Variants in BMPR1B observed in about 807,000 individuals in gnomAD.
BMPR1B encodes the protein bone morphogenetic protein receptor type 1B.
In BMPR1B, 12 loss-of-function variants were observed where a neutral mutation model predicts 59.1. The observed-to-expected ratio is 0.20, with a 90% CI of 0.13 to 0.33. BMPR1B has a LOEUF of 0.33. Ranked by LOEUF, BMPR1B falls within the 10% of genes least tolerant of loss-of-function variation. BMPR1B has a pLI of 1.00. For synonymous variants in BMPR1B, 237 were observed against 207.3 expected (o/e 1.14, Z -1.23); for missense variants, 550 against 610.9 (o/e 0.90, Z 1.05).
chr4:94,896,478 A>C (rs1463694721), intron 2 of BMPR1B, among the ~76,000 whole-genome samples: 1 of 151,984 alleles, frequency 6.6e-6, no homozygotes, highest in Non-Finnish European at 1.5e-5. Context: ...TTTTTTCACC[A>C]GTTAATTATG....
chr4:94,904,789 T>C (rs1727976542), intron 2 of BMPR1B, among the ~76,000 whole-genome samples: 1 of 152,048 alleles, frequency 6.6e-6, no homozygotes, highest in Admixed American at 6.6e-5. Flanking sequence ...ATTGGCTTGC[T>C]TTATTCCACA....
At chr4:94,924,179 T>TA (rs1402224258) in intron 2 of BMPR1B, among the ~76,000 whole-genome samples, 1 of 152,160 alleles carries the variant, frequency 6.6e-6, no homozygotes, top group East Asian at 1.9e-4. Flanking sequence ...ACAAGCAAGA[T>TA]AAAGTTGGAG....
intron 2 of BMPR1B, among the ~76,000 whole-genome samples, chr4:94,966,734 T>C (rs1730569965): frequency 6.6e-6 from 1 of 152,174 alleles, no homozygotes; most frequent in South Asian, 2.1e-4. Context: ...TTAACTTTCA[T>C]GCCTGAAATT....
At chr4:94,772,703 AAATTATATTTATGTTGAACAT>A (rs954559719) in intron 1 of BMPR1B, among the ~76,000 whole-genome samples, 1 of 152,154 alleles carries the variant, frequency 6.6e-6, no homozygotes, top group Non-Finnish European at 1.5e-5. Context: ...CCATTATGGA[AAATTATATTTATGTTGAACAT>A]AAATAATCAG....
intron 3 of BMPR1B, among the ~76,000 whole-genome samples, chr4:95,081,738 G>T (rs1729154314): frequency 6.6e-6 from 1 of 152,072 alleles, no homozygotes; most frequent in African/African-American, 2.4e-5. Flanking sequence ...GTATATTAAA[G>T]AATAACCACT....
intron 2 of BMPR1B, among the ~76,000 whole-genome samples, chr4:94,914,047 A>G (rs1486469472): frequency 6.6e-6 from 1 of 152,182 alleles, no homozygotes; most frequent in Non-Finnish European, 1.5e-5. Flanking sequence ...GGAAGGAGGT[A>G]GATAAAATGC....
intron 4 of BMPR1B, among the ~76,000 whole-genome samples, chr4:95,108,805 G>C (rs1299156355): frequency 2.0e-5 from 3 of 152,082 alleles, no homozygotes; most frequent in East Asian, 3.9e-4. Context: ...GATACCATCT[G>C]TTTTCTAAAT....
In BMPR1B at chr4:95,145,326, A is replaced by T. The variant is rs182882181; in HGVS notation, c.1077-3422A>T. Among the ~76,000 whole-genome samples the T allele has an allele frequency of 1.4e-3, 210 of 152,330 alleles. 1 individual carries two copies. In the East Asian group the frequency reaches 0.034, roughly 24 times the overall value. The stretch of plus-strand genomic sequence containing the variant: ...TTGGAATTATTGTCTCTGAGTCTAC[A>T]GCCCTTGTGCAGTATCTATCTTTTC... On this transcript the variant is annotated intron_variant, in intron 10 of 12. Coordinates refer to ENST00000515059, the MANE Select transcript of BMPR1B (RefSeq NM_001203.3).
intron 1 of BMPR1B, among the ~76,000 whole-genome samples, chr4:94,803,239 A>G (rs567777720): frequency 1.4e-4 from 22 of 152,202 alleles, no homozygotes; most frequent in South Asian, 6.2e-4. Context: ...AGCTACCTCA[A>G]TTTATGGCAG....
At chr4:95,117,647 A>G (rs1732168124) in intron 6 of BMPR1B, among the ~76,000 whole-genome samples, 1 of 152,002 alleles carries the variant, frequency 6.6e-6, no homozygotes, top group Non-Finnish European at 1.5e-5. Context: ...TGATCTGGGC[A>G]TGGTGGTATA....
chr4:95,116,421 G>GCACACACACACACACACA lies in BMPR1B; in HGVS notation c.349+660_349+677dup, dbSNP rs35436544. Among the ~76,000 whole-genome samples the GCACACACACACACACACA allele has an allele frequency of 6.6e-3, 814 of 123,230 alleles. 10 individuals are homozygous for GCACACACACACACACACA. Among genetic ancestry groups the GCACACACACACACACACA allele is most frequent in the Non-Finnish European group, 8.3e-3 (521 of 62,778 alleles). The allele number at this position is 123,230 out of a possible 152,430, so 80.8% of individuals were successfully genotyped here. A position where few individuals can be genotyped will look rare whatever the true frequency, so the allele number is the denominator to read the frequency against. On this transcript the variant is annotated intron_variant, in intron 6 of 12. Transcript: ENST00000515059. ...CTCCTCCTCCATGCTTTCAGCGCGC[G>GCACACACACACACACACA]CACACACACACACACACACACACAC...
intron 2 of BMPR1B, among the ~76,000 whole-genome samples, chr4:94,934,674 A>T (rs1009698409): frequency 6.6e-6 from 1 of 152,042 alleles, no homozygotes; most frequent in Non-Finnish European, 1.5e-5. Context: ...CTGAGATCCA[A>T]AGTAGAGAAA....
chr4:94,829,142 G>C (rs746439337), intron 1 of BMPR1B, among the ~76,000 whole-genome samples: 5 of 152,084 alleles, frequency 3.3e-5, no homozygotes, highest in Non-Finnish European at 7.4e-5. Context: ...CACCCTGACT[G>C]TACCTTAAGT....
chr4:94,763,881 G>A (rs1721869757), intron 1 of BMPR1B, among the ~76,000 whole-genome samples: 1 of 152,118 alleles, frequency 6.6e-6, no homozygotes, highest in Non-Finnish European at 1.5e-5. Flanking sequence ...CTACTTTTCT[G>A]TTTTCCAATA....
At chr4:94,868,603 G>T (rs1726351628) in intron 1 of BMPR1B, among the ~76,000 whole-genome samples, 1 of 152,180 alleles carries the variant, frequency 6.6e-6, no homozygotes, top group Non-Finnish European at 1.5e-5. Flanking sequence ...TTTGTTTCCA[G>T]TGTTGAACGA....
chr4:94,957,503 TTTTTTC>T (rs1445449528), intron 2 of BMPR1B, among the ~76,000 whole-genome samples: 1 of 152,040 alleles, frequency 6.6e-6, no homozygotes, highest in Non-Finnish European at 1.5e-5. Context: ...TCATGTGCCC[TTTTTTC>T]TTTTTCTTTT....
At chr4:94,974,535 T>G (rs575307567) in intron 2 of BMPR1B, among the ~76,000 whole-genome samples, 1 of 152,350 alleles carries the variant, frequency 6.6e-6, no homozygotes, top group East Asian at 1.9e-4. Flanking sequence ...ACTCCTTTTA[T>G]GTTCTTAACA....
intron 2 of BMPR1B, among the ~76,000 whole-genome samples, chr4:94,920,513 G>A (rs1449774743): frequency 2.0e-5 from 3 of 152,142 alleles, no homozygotes; most frequent in Non-Finnish European, 4.4e-5. Context: ...TGAATGCAAT[G>A]CCAAGGCCTC....
intron 2 of BMPR1B, among the ~76,000 whole-genome samples, chr4:94,925,041 A>G (rs1324634537): frequency 6.6e-6 from 1 of 152,134 alleles, no homozygotes; most frequent in African/African-American, 2.4e-5. Context: ...GTTTTGAGGT[A>G]TACAAAATAC....
Sources: allele counts gnomAD v4.1 joint callset (sites outside exome capture counted in the v4.1 genomes callset), GRCh38; gene constraint gnomAD v4.1.1; transcripts MANE v1.5; gene names NCBI Gene and HGNC (gene_info 2026-07-23, HGNC 2026-07-21).